ZMIZ1: variants seen among roughly 807,000 people sequenced by gnomAD.
ZMIZ1 encodes zinc finger MIZ domain-containing protein 1.
Under a neutral mutation model 113.9 loss-of-function variants are expected in ZMIZ1, and 17 were observed. That is an observed-to-expected ratio of 0.15 (90% CI 0.10 to 0.22). The LOEUF is 0.22. Among genes scored for constraint, ZMIZ1 ranks in the 10% least tolerant of loss-of-function variants. The probability of loss-of-function intolerance (pLI) is 1.00; values close to 1 mark genes in which losing one functional copy is unlikely to be tolerated. For missense variants in ZMIZ1, 1,059 were observed against 1,477.8 expected (o/e 0.72, Z 4.65); for synonymous variants, 607 against 603.1 (o/e 1.01, Z -0.09).
intron 19 of ZMIZ1, among the ~76,000 whole-genome samples, chr10:79,304,882 CAG>C (rs1854574283): frequency 6.6e-6 from 1 of 152,156 alleles, no homozygotes; most frequent in Non-Finnish European, 1.5e-5. Context: ...GGGCAAAAAA[CAG>C]TGAGTCAGCT....
chr10:79,195,661 G>GGTGTGCAGGGAGCCCA (rs1847803109), intron 4 of ZMIZ1, among the ~76,000 whole-genome samples: 1 of 152,222 alleles, frequency 6.6e-6, no homozygotes, highest in Non-Finnish European at 1.5e-5. Context: ...AAAGGTGGCC[G>GGTGTGCAGGGAGCCCA]GTGTGCAGGG....
At chr10:79,103,301 G>C (rs546623293) in intron 1 of ZMIZ1, among the ~76,000 whole-genome samples, 2 of 152,128 alleles carry the variant, frequency 1.3e-5, no homozygotes, top group African/African-American at 2.4e-5. Context: ...TGCCTGGGGT[G>C]GGGGGCTGTA....
intron 1 of ZMIZ1, among the ~76,000 whole-genome samples, chr10:79,088,971 C>G (rs1447085581): frequency 1.3e-5 from 2 of 152,220 alleles, no homozygotes; most frequent in Admixed American, 6.5e-5. Context: ...TGAACTTGTT[C>G]AGCCTCCACA....
intron 7 of ZMIZ1, 71 bp from the exon 8 acceptor site, chr10:79,277,110 G>C: frequency 6.9e-7 from 1 of 1,444,124 alleles, no homozygotes; most frequent in East Asian, 2.7e-5. Context: ...TCTGGGGAGA[G>C]TTGGGGGGGG....
At chr10:79,245,553 C>T (rs1297500108) in intron 7 of ZMIZ1, among the ~76,000 whole-genome samples, 1 of 152,166 alleles carries the variant, frequency 6.6e-6, no homozygotes, top group Admixed American at 6.5e-5. Flanking sequence ...TGAAAGAGCA[C>T]TTCCAGATCT....
intron 2 of ZMIZ1, among the ~76,000 whole-genome samples, chr10:79,137,513 C>CGAG (rs1845056570): frequency 2.0e-5 from 3 of 152,326 alleles, no homozygotes; most frequent in African/African-American, 7.2e-5. Flanking sequence ...GGTATGTGCC[C>CGAG]TGGTGGACAG....
At chr10:79,241,653 G>A (rs911915196) in intron 7 of ZMIZ1, among the ~76,000 whole-genome samples, 3 of 152,294 alleles carry the variant, frequency 2.0e-5, no homozygotes, top group African/African-American at 7.2e-5. Context: ...ATGCCATCCT[G>A]AAAGCGATAT....
In ZMIZ1 at chr10:79,136,945, A is replaced by T. The variant is rs188750057; in HGVS notation, c.-226-2737A>T. 7.2e-5 allele frequency among the ~76,000 whole-genome samples: 11 copies of T among 152,234 alleles called. No homozygotes were observed. The East Asian group carries it at 1.9e-3, about 27-fold the overall frequency. ...GGAGGGGCAGCAGTTTGCAAACAGGAACATTTCTATGTAAGTATTTCTGGT... is the reference window on the plus strand; with the variant it reads ...GGAGGGGCAGCAGTTTGCAAACAGGTACATTTCTATGTAAGTATTTCTGGT... On this transcript the variant is annotated intron_variant, in intron 2 of 24. Coordinates refer to ENST00000334512, the MANE Select transcript of ZMIZ1 (RefSeq NM_020338.4).
At chr10:79,146,167 C>T (rs1845474132) in intron 3 of ZMIZ1, among the ~76,000 whole-genome samples, 4 of 152,090 alleles carry the variant, frequency 2.6e-5, no homozygotes, top group Admixed American at 6.5e-5. Context: ...TGGCATTTCC[C>T]GCTCCCCACT....
chr10:79,124,528 C>G (rs1375925911), intron 2 of ZMIZ1, among the ~76,000 whole-genome samples: 1 of 152,242 alleles, frequency 6.6e-6, no homozygotes. Context: ...GTGTTGAACA[C>G]TTCCTTGTGC....
chr10:79,312,518 T>A (rs1365262203), intron 24 of ZMIZ1, 124 bp from the exon 25 acceptor site: 11 of 992,320 alleles, frequency 1.1e-5, no homozygotes, highest in African/African-American at 4.8e-5. Flanking sequence ...TCTCTACCCC[T>A]TTTTTTGGCT....
intron 4 of ZMIZ1, among the ~76,000 whole-genome samples, chr10:79,164,935 G>A (rs999607979): frequency 3.9e-5 from 6 of 152,152 alleles, no homozygotes; most frequent in African/African-American, 9.7e-5. Flanking sequence ...AGGACTGGAC[G>A]AGGATACAGG....
At chr10:79,276,342 T>C (rs888809087) in intron 7 of ZMIZ1, among the ~76,000 whole-genome samples, 4 of 152,206 alleles carry the variant, frequency 2.6e-5, no homozygotes, top group Non-Finnish European at 5.9e-5. Context: ...CACGCTGGCC[T>C]GGGAGGCGCT....
intron 7 of ZMIZ1, among the ~76,000 whole-genome samples, chr10:79,223,233 G>T (rs1849056745): frequency 6.6e-6 from 1 of 152,252 alleles, no homozygotes; most frequent in African/African-American, 2.4e-5. Context: ...ACAGCTCGCG[G>T]CCGCCCAGTG....
In ZMIZ1 at chr10:79,115,701, C is replaced by A. The variant is rs1023507048; in HGVS notation, c.-336-3214C>A. Among the ~76,000 whole-genome samples the A allele has an allele frequency of 7.2e-5, 11 of 152,204 alleles. 1 individual carries two copies. Among genetic ancestry groups the A allele is most frequent in the African/African-American group, 2.4e-4 (10 of 41,454 alleles). ...CCAGAGACCACATATCTATTTAGGACAGAGCTGGAGCTGCAAATGTGGGGG... is the reference window on the plus strand; with the variant it reads ...CCAGAGACCACATATCTATTTAGGAAAGAGCTGGAGCTGCAAATGTGGGGG... On this transcript the variant is annotated intron_variant, in intron 1 of 24. Transcript: ENST00000334512.
intron 6 of ZMIZ1, 78 bp from the exon 7 acceptor site, chr10:79,216,091 C>T: frequency 1.9e-6 from 2 of 1,075,362 alleles, no homozygotes; most frequent in East Asian, 3.1e-5. Context: ...CCACCTCACC[C>T]ACTTCACCTG....
rs373132025 is a variant in ZMIZ1, at chr10:79,312,788, C to T, written c.*39C>T. 83 of 1,575,494 alleles carry T rather than the reference C, an allele frequency of 5.3e-5. 1 individual carries two copies. Among genetic ancestry groups the T allele is most frequent in the Non-Finnish European group, 7.2e-5 (82 of 1,145,532 alleles). ...GGGGCCATCCCTCCACACTCTGCAT[C>T]CTACCCCACCTACCCAACACACTTT... On this transcript the variant is annotated 3_prime_UTR_variant, in exon 25 of 25. Coordinates refer to ENST00000334512, the MANE Select transcript of ZMIZ1 (RefSeq NM_020338.4).
chr10:79,231,270 G>A (rs564031789), intron 7 of ZMIZ1, among the ~76,000 whole-genome samples: 138 of 152,334 alleles, frequency 9.1e-4, no homozygotes, highest in Middle Eastern at 6.8e-3. Flanking sequence ...GTTTTGAAAC[G>A]GAGTTTCACT....
At chr10:79,206,205 T>A (rs1328632614) in intron 5 of ZMIZ1, among the ~76,000 whole-genome samples, 2 of 151,770 alleles carry the variant, frequency 1.3e-5, no homozygotes, top group Non-Finnish European at 2.9e-5. Context: ...TGGGGTGAGC[T>A]CTGAACGCTG....
Sources: gnomAD v4.1 joint callset for allele counts (sites outside exome capture counted in the v4.1 genomes callset) on GRCh38, gnomAD v4.1.1 for gene constraint, MANE v1.5 for transcripts, NCBI Gene and HGNC (gene_info 2026-07-23, HGNC 2026-07-21) for gene names.